The following KLF12 variants were observed in gnomAD, a reference collection of about 807,000 sequenced individuals.
KLF12 encodes KLF transcription factor 12.
KLF12 carries 9 observed loss-of-function variants against 37.8 expected under a neutral mutation model. The ratio of observed to expected loss-of-function variants is 0.24; its 90% CI spans 0.14 to 0.42. The LOEUF (loss-of-function observed/expected upper bound fraction) is 0.42. KLF12 is among the 10% of genes least tolerant of loss of function. KLF12 has a pLI of 1.00. For synonymous variants in KLF12, 208 were observed against 202.1 expected, an observed-to-expected ratio of 1.03 and a Z score of -0.25; for missense variants, 411 against 516.0, an observed-to-expected ratio of 0.80 and a Z score of 1.97.
chr13:73,813,625 C>T (rs374177217), intron 4 of KLF12, among the ~76,000 whole-genome samples: 1 of 152,196 alleles, frequency 6.6e-6, no homozygotes, highest in Non-Finnish European at 1.5e-5. Flanking sequence ...TTCTCCTCCT[C>T]CTTGCTTCTG....
At chr13:73,773,582 T>C (rs551981364) in intron 5 of KLF12, among the ~76,000 whole-genome samples, 4 of 60,438 alleles carry the variant, frequency 6.6e-5, no homozygotes, top group African/African-American at 1.5e-4. Context: ...ATTATATCTG[T>C]GTTCCATTTC....
At chr13:74,000,272 C>T (rs1038942253) in intron 1 of KLF12, among the ~76,000 whole-genome samples, 4 of 152,114 alleles carry the variant, frequency 2.6e-5, no homozygotes, top group African/African-American at 9.7e-5. Context: ...TCAATATCAC[C>T]TTCAACCATA....
At chr13:73,772,161 T>C (rs1159653589) in intron 5 of KLF12, among the ~76,000 whole-genome samples, 1 of 152,172 alleles carries the variant, frequency 6.6e-6, no homozygotes, top group Non-Finnish European at 1.5e-5. Context: ...TGTCTATCTT[T>C]TACTTAACCA....
chr13:73,990,129 A>G (rs931939185), intron 2 of KLF12, among the ~76,000 whole-genome samples: 1 of 152,204 alleles, frequency 6.6e-6, no homozygotes, highest in Non-Finnish European at 1.5e-5. Flanking sequence ...GTGAAATTAA[A>G]AAGTTAAAGA....
At chr13:73,747,295 G>T (rs937978386) in intron 6 of KLF12, among the ~76,000 whole-genome samples, 3 of 152,286 alleles carry the variant, frequency 2.0e-5, no homozygotes, top group East Asian at 3.9e-4. Flanking sequence ...AACCCAGGCT[G>T]CCATCAGCAA....
At chr13:73,756,179 T>C (rs1429782134) in intron 6 of KLF12, among the ~76,000 whole-genome samples, 1 of 152,172 alleles carries the variant, frequency 6.6e-6, no homozygotes, top group Non-Finnish European at 1.5e-5. Context: ...ATATTATTTA[T>C]CTTAAAGAGC....
chr13:74,060,498 G>GTGTGTGTGTC (rs1555336661), intron 1 of KLF12, among the ~76,000 whole-genome samples: 3 of 145,828 alleles, frequency 2.1e-5, no homozygotes, highest in Admixed American at 6.8e-5. Flanking sequence ...GTGTGTGTGT[G>GTGTGTGTGTC]TGTGTGTGTG....
the KLF12 span, among the ~76,000 whole-genome samples, chr13:74,279,750 A>G: frequency 6.6e-6 from 1 of 152,196 alleles, no homozygotes; most frequent in Non-Finnish European, 1.5e-5. Context: ...TAGTGGACTC[A>G]ATAGAAAAAG....
the KLF12 span, among the ~76,000 whole-genome samples, chr13:74,269,071 G>T: frequency 6.6e-6 from 1 of 152,150 alleles, no homozygotes; most frequent in Non-Finnish European, 1.5e-5. Flanking sequence ...ATGGCTTAAA[G>T]GTGACTTTAG....
chr13:73,839,552 A>T (rs11840281), intron 4 of KLF12, among the ~76,000 whole-genome samples: 4,094 of 152,296 alleles, frequency 0.027, 59 homozygotes, highest in African/African-American at 0.033. Flanking sequence ...AATGAAGAAA[A>T]AATGTTGATC....
intron 1 of KLF12, among the ~76,000 whole-genome samples, chr13:74,013,834 G>A (rs1454350194): frequency 6.6e-6 from 1 of 151,838 alleles, no homozygotes; most frequent in Non-Finnish European, 1.5e-5. Flanking sequence ...CTTGCATTAG[G>A]CTACTTTCTT....
chr13:74,232,312 T>G, the KLF12 span, among the ~76,000 whole-genome samples: 1 of 152,256 alleles, frequency 6.6e-6, no homozygotes, highest in Non-Finnish European at 1.5e-5. Context: ...AAATAGATTT[T>G]CTATTTCCAA....
At chr13:73,974,310 C>CAAA (rs61516158) in intron 2 of KLF12, among the ~76,000 whole-genome samples, 1 of 146,238 alleles carries the variant, frequency 6.8e-6, no homozygotes, top group Non-Finnish European at 1.5e-5. Flanking sequence ...AACTTCAAGA[C>CAAA]AAAAAAAAAA....
intron 1 of KLF12, among the ~76,000 whole-genome samples, chr13:74,004,034 A>G (rs1453051304): frequency 6.6e-6 from 1 of 152,168 alleles, no homozygotes; most frequent in Non-Finnish European, 1.5e-5. Context: ...GCTCACACGT[A>G]TCCCCCAATA....
intron 1 of KLF12, among the ~76,000 whole-genome samples, chr13:74,133,614 C>A (rs1260581486): frequency 6.7e-6 from 1 of 148,852 alleles, no homozygotes; most frequent in African/African-American, 2.5e-5. Flanking sequence ...AATGATTTAA[C>A]TTGAGCAGAT....
At chr13:73,968,330 CTATT>C (rs1205599026) in intron 2 of KLF12, among the ~76,000 whole-genome samples, 1 of 152,182 alleles carries the variant, frequency 6.6e-6, no homozygotes, top group African/African-American at 2.4e-5. Context: ...CTTATGACAT[CTATT>C]TGTCTTCTCA....
At chr13:73,779,107 C>T (rs1366075725) in intron 5 of KLF12, among the ~76,000 whole-genome samples, 3 of 152,148 alleles carry the variant, frequency 2.0e-5, no homozygotes, top group African/African-American at 7.2e-5. Flanking sequence ...ATTATCTGGT[C>T]TTTGCCCTGC....
intron 2 of KLF12, among the ~76,000 whole-genome samples, chr13:73,976,162 TC>T (rs68064201): frequency 0.091 from 13,694 of 150,646 alleles, 849 homozygotes; most frequent in Admixed American, 0.13. Context: ...GTTTTTTTTT[TC>T]CCCCCACAGC....
intron 2 of KLF12, among the ~76,000 whole-genome samples, chr13:73,990,251 T>C (rs1430046288): frequency 6.6e-6 from 1 of 151,970 alleles, no homozygotes; most frequent in African/African-American, 2.4e-5. Context: ...CTTCCTGTCA[T>C]AAAAACAGAC....
Sources: allele counts gnomAD v4.1 joint callset (sites outside exome capture counted in the v4.1 genomes callset), GRCh38; gene constraint gnomAD v4.1.1; transcripts MANE v1.5; gene names NCBI Gene and HGNC (gene_info 2026-07-23, HGNC 2026-07-21).